Variants in CTNND1 observed in about 807,000 individuals in gnomAD.
CTNND1 encodes catenin delta 1, also known as catenin delta-1.
CTNND1 carries 16 observed loss-of-function variants against 112.1 expected under a neutral mutation model. The observed-to-expected ratio is 0.14, with a 90% confidence interval of 0.10 to 0.22. CTNND1 has a LOEUF of 0.22. Among genes scored for constraint, CTNND1 ranks in the 10% least tolerant of loss-of-function variants. The probability of loss-of-function intolerance (pLI) is 1.00; values close to 1 mark genes in which losing one functional copy is unlikely to be tolerated. For synonymous variants in CTNND1, 420 were observed against 446.5 expected, an observed-to-expected ratio of 0.94 and a Z score of 0.75; for missense variants, 1,008 against 1,257.0, an observed-to-expected ratio of 0.80 and a Z score of 3.00.
chr11:57,792,561 T>A (rs1380498552), intron 3 of CTNND1, among the ~76,000 whole-genome samples: 3 of 152,230 alleles, frequency 2.0e-5, no homozygotes, highest in Admixed American at 2.0e-4. Flanking sequence ...GAGTAATTTT[T>A]ATTTATTTAT....
At chr11:57,803,839 T>A in intron 8 of CTNND1, 35 bp downstream of exon 8, 176 of 1,413,710 alleles carry the variant, frequency 1.2e-4, no homozygotes, top group Non-Finnish European at 1.6e-4. Context: ...TGAAGATGAA[T>A]TTTTGAGGAC....
intron 1 of CTNND1, among the ~76,000 whole-genome samples, chr11:57,765,008 G>C (rs1010236772): frequency 6.6e-6 from 1 of 152,172 alleles, no homozygotes; most frequent in Non-Finnish European, 1.5e-5. Flanking sequence ...TCTTTAGAAC[G>C]AGAATCTTTC....
At chr11:57,793,029 T>G (rs2060944633) in intron 3 of CTNND1, 1 of 152,152 alleles carries the variant, frequency 6.6e-6, no homozygotes, top group African/African-American at 2.4e-5. Flanking sequence ...GCTGGACTGC[T>G]CAGGTTTGGA....
chr11:57,771,898 A>G (rs2136078013), intron 1 of CTNND1, among the ~76,000 whole-genome samples: 1 of 151,072 alleles, frequency 6.6e-6, no homozygotes, highest in Admixed American at 6.6e-5. Flanking sequence ...GAATAAGCTG[A>G]TATGTTTTTG....
chr11:57,810,076 C>G (rs1382917306), intron 15 of CTNND1, 33 bp from the exon 16 acceptor site: 9 of 1,529,786 alleles, frequency 5.9e-6, no homozygotes, highest in Non-Finnish European at 7.1e-6. Flanking sequence ...GATTTTATAT[C>G]CAAATTCCGT....
At chr11:57,786,667 G>A (rs1041709380) in intron 1 of CTNND1, among the ~76,000 whole-genome samples, 2 of 152,194 alleles carry the variant, frequency 1.3e-5, no homozygotes, top group African/African-American at 4.8e-5. Flanking sequence ...CATATGGCAT[G>A]AGAAGAATCT....
chr11:57,806,858 AATCTT>A, intron 11 of CTNND1, 52 bp from the exon 12 acceptor site: 1 of 1,400,716 alleles, frequency 7.1e-7, no homozygotes, highest in Non-Finnish European at 9.9e-7. Context: ...TGCCAGGTGG[AATCTT>A]TTCTTTTTTA....
Position 57,791,411 on chromosome 11 carries a change from C to G in CTNND1, c.-68C>G. ...GTGAAGTGAGGGGGTCTCTCTCCCT[C>G]CTTCTCCTTCCTCTGTGATTCACCT... On this transcript the variant is annotated 5_prime_UTR_variant, in exon 3 of 21. Coordinates refer to ENST00000399050, the MANE Select transcript of CTNND1 (RefSeq NM_001085458.2). The G allele has an allele frequency of 7.2e-7, 1 of 1,389,076 alleles. No individual in the cohort carries two copies. Among genetic ancestry groups the G allele is most frequent in the Non-Finnish European group, 9.4e-7 (1 of 1,065,598 alleles). 86.0% of individuals were successfully genotyped at this position (1,389,076 alleles called of 1,614,324 possible).
rs554462053 is a variant in CTNND1, at chr11:57,786,809, G to T, written c.-213-2228G>T. ...TCTCACTTCTATGTAGATATTATGG[G>T]TAACTCTTGAGCCTAAAAAAACAAA... On this transcript the variant is annotated intron_variant, in intron 1 of 20. Coordinates refer to ENST00000399050, the MANE Select transcript of CTNND1 (RefSeq NM_001085458.2). Among the ~76,000 whole-genome samples, 129 of 151,962 alleles carry T rather than the reference G, an allele frequency of 8.5e-4. 1 individual carries two copies. Among genetic ancestry groups the T allele is most frequent in the African/African-American group, 2.9e-3 (120 of 41,438 alleles).
At chr11:57,770,671 A>T (rs1450254370) in intron 1 of CTNND1, among the ~76,000 whole-genome samples, 1 of 152,154 alleles carries the variant, frequency 6.6e-6, no homozygotes, top group South Asian at 2.1e-4. Flanking sequence ...AAAAAAATAA[A>T]AAAAAAGAAA....
chr11:57,803,330 C>T (rs940223962), intron 7 of CTNND1, among the ~76,000 whole-genome samples: 5 of 152,188 alleles, frequency 3.3e-5, no homozygotes, highest in Admixed American at 6.5e-5. Flanking sequence ...CCTTGTGATC[C>T]GCCCGCCTTG....
intron 8 of CTNND1, 25 bp downstream of exon 8, chr11:57,803,829 T>C (rs2062307800): frequency 4.0e-6 from 6 of 1,506,540 alleles, no homozygotes; most frequent in Non-Finnish European, 5.3e-6. Flanking sequence ...TTTGAGAATA[T>C]GAAGATGAAT....
chr11:57,766,966 T>C (rs1951223971), intron 1 of CTNND1, among the ~76,000 whole-genome samples: 1 of 151,596 alleles, frequency 6.6e-6, no homozygotes, highest in Non-Finnish European at 1.5e-5. Context: ...GGCAAAGAAT[T>C]TTCTTATCTT....
At position 57,797,842 on chromosome 11, in the gene CTNND1, C is replaced by CAAA. The variant is rs771815069; in HGVS notation, c.956+869_956+871dup. 2.7e-3 allele frequency among the ~76,000 whole-genome samples: 188 copies of CAAA among 68,550 alleles called. 1 individual carries two copies. The highest frequency in any genetic ancestry group is 3.5e-3 in the East Asian group (7 of 2,024). The allele number at this position is 68,550 out of a possible 152,430, so 45.0% of individuals were successfully genotyped here. ...GGGCAACAAGAGCGAAACTCCACCT[C>CAAA]AAAAAAAAAAAAAAAAAAAAACAAC... On this transcript the variant is annotated intron_variant, in intron 6 of 20. Transcript: ENST00000399050.
intron 1 of CTNND1, among the ~76,000 whole-genome samples, chr11:57,779,842 C>A (rs1367881490): frequency 6.6e-6 from 1 of 151,984 alleles, no homozygotes; most frequent in South Asian, 2.1e-4. Flanking sequence ...GTTCTTAGCA[C>A]CTTTCCTCCT....
chr11:57,808,361 G>T, intron 13 of CTNND1, 29 bp from the exon 14 acceptor site: 1 of 1,598,802 alleles, frequency 6.3e-7, no homozygotes, highest in Non-Finnish European at 8.6e-7. Flanking sequence ...TTTGTAATTT[G>T]TTCCACCCCT....
chr11:57,804,749 C>G lies in CTNND1; in HGVS notation c.1691C>G (p.Ala564Gly). Reference sequence around the variant, plus strand: ...GATGCCCTCATTTTCATTGTTCAGGCTGAGATTGGGCAGAAGGATTCAGAC... The same window carrying G: ...GATGCCCTCATTTTCATTGTTCAGGGTGAGATTGGGCAGAAGGATTCAGAC... The part of the protein sequence containing the change: ...LVDALIFIVQ[A>G]EIGQKDSDSK... The change falls in exon 9 of 21, where the codon GCT becomes GGT. Residue 564 changes from alanine to glycine, a missense_variant. Ala to Gly is a moderately conservative substitution (Grantham distance 60). Transcript: ENST00000399050. 1.2e-6 allele frequency: 2 copies of G among 1,613,820 alleles called. No individual in the cohort carries two copies. Among genetic ancestry groups the G allele is most frequent in the Non-Finnish European group, 1.7e-6 (2 of 1,179,824 alleles).
At chr11:57,795,063 G>A (rs543461920) in intron 4 of CTNND1, among the ~76,000 whole-genome samples, 14 of 152,176 alleles carry the variant, frequency 9.2e-5, no homozygotes, top group South Asian at 2.1e-4. Flanking sequence ...GCATGGTGGC[G>A]TGAGCCTGTA....
chr11:57,785,131 T>C (rs992427514), intron 1 of CTNND1, among the ~76,000 whole-genome samples: 1 of 152,152 alleles, frequency 6.6e-6, no homozygotes, highest in African/African-American at 2.4e-5. Context: ...ATTCCTGTAG[T>C]TTTCAGGTCT....
Sources: gnomAD v4.1 joint callset for allele counts (sites outside exome capture counted in the v4.1 genomes callset) on GRCh38, gnomAD v4.1.1 for gene constraint, MANE v1.5 for transcripts, NCBI Gene and HGNC (gene_info 2026-07-23, HGNC 2026-07-21) for gene names.